The following SNTG1 variants were observed in gnomAD, a reference collection of about 807,000 sequenced individuals.
SNTG1 encodes the protein syntrophin gamma 1, also known as gamma-1-syntrophin.
SNTG1 carries 39 observed loss-of-function variants against 74.7 expected under a neutral mutation model. The observed-to-expected ratio is 0.52, with a 90% CI of 0.40 to 0.68. SNTG1 has a LOEUF of 0.68. Among genes scored for constraint, SNTG1 ranks in the 30% least tolerant of loss-of-function variants. The pLI, the probability that SNTG1 is intolerant of heterozygous loss-of-function variation, is 0.00. For synonymous variants in SNTG1, 254 were observed against 217.1 expected (o/e 1.17, Z -1.49); for missense variants, 685 against 609.5 (o/e 1.12, Z -1.30).
At chr8:50,046,898 C>A (rs1314362856) in intron 1 of SNTG1, among the ~76,000 whole-genome samples, 1 of 152,080 alleles carries the variant, frequency 6.6e-6, no homozygotes, top group African/African-American at 2.4e-5. Context: ...TAAGTTTTTG[C>A]ATTATTTACA....
At chr8:50,291,923 T>A (rs531856390) in intron 2 of SNTG1, among the ~76,000 whole-genome samples, 24 of 152,110 alleles carry the variant, frequency 1.6e-4, no homozygotes, top group African/African-American at 4.3e-4. Context: ...TGTTTTGGAG[T>A]GTCCAATGGT....
At chr8:50,727,256 A>C (rs2095502396) in intron 17 of SNTG1, among the ~76,000 whole-genome samples, 1 of 152,138 alleles carries the variant, frequency 6.6e-6, no homozygotes, top group Non-Finnish European at 1.5e-5. Flanking sequence ...GATGGAGTAA[A>C]AGTGCTGACA....
At chr8:50,280,985 CAAAAAAAAAA>C (rs35973666) in intron 2 of SNTG1, among the ~76,000 whole-genome samples, 1 of 75,462 alleles carries the variant, frequency 1.3e-5, no homozygotes, top group East Asian at 4.4e-4. Flanking sequence ...AACCCAGTCT[CAAAAAAAAAA>C]AAAAAAAAAA....
intron 18 of SNTG1, among the ~76,000 whole-genome samples, chr8:50,764,449 G>A (rs1479877934): frequency 6.6e-6 from 1 of 151,668 alleles, no homozygotes; most frequent in Admixed American, 6.6e-5. Context: ...ATTAAAATTG[G>A]GCAAAGGACT....
At chr8:50,266,682 G>GTATATA (rs1341606847) in intron 2 of SNTG1, among the ~76,000 whole-genome samples, 1,495 of 137,356 alleles carry the variant, frequency 0.011, 40 homozygotes, top group African/African-American at 0.037. Flanking sequence ...GTGTGTGTGT[G>GTATATA]TGTATATATA....
chr8:50,217,053 A>G (rs1490320401), intron 2 of SNTG1, among the ~76,000 whole-genome samples: 2 of 151,674 alleles, frequency 1.3e-5, no homozygotes, highest in Non-Finnish European at 1.5e-5. Flanking sequence ...AATTAATGAA[A>G]CAAATGGGCT....
chr8:50,558,322 T>C (rs536991525), intron 12 of SNTG1, among the ~76,000 whole-genome samples: 8 of 152,304 alleles, frequency 5.3e-5, no homozygotes, highest in Admixed American at 5.2e-4. Context: ...CTTCCACAGC[T>C]GTTGGCTCGC....
intron 1 of SNTG1, among the ~76,000 whole-genome samples, chr8:50,132,634 GT>G (rs1586412100): frequency 3.3e-5 from 5 of 152,284 alleles, no homozygotes; most frequent in East Asian, 3.9e-4. Flanking sequence ...TGGGCCTTCT[GT>G]GGCAAAAGTC....
chr8:50,446,233 C>G (rs7832503), intron 5 of SNTG1, among the ~76,000 whole-genome samples: 13,726 of 152,234 alleles, frequency 0.09, 1,926 homozygotes, highest in African/African-American at 0.3. Flanking sequence ...CTGAGCTGCT[C>G]ACATTTTCTC....
chr8:50,454,829 T>TAAAAAAAAAAAAAA (rs1158732952), intron 8 of SNTG1, among the ~76,000 whole-genome samples: 4 of 95,142 alleles, frequency 4.2e-5, no homozygotes, highest in Middle Eastern at 6.9e-3. Context: ...CAGACAGAGC[T>TAAAAAAAAAAAAAA]AAAAAAAAAA....
chr8:50,204,987 G>A (rs2084151816), intron 2 of SNTG1, among the ~76,000 whole-genome samples: 1 of 152,136 alleles, frequency 6.6e-6, no homozygotes, highest in African/African-American at 2.4e-5. Context: ...CATTTGGGTT[G>A]GTTCCAAGTC....
In SNTG1 at chr8:50,018,841, C is replaced by A. The variant is rs533290912; in HGVS notation, c.-103+106610C>A. ...AGAAACAAAAAATAACAAGTGTTGGCCAAGATGTGGAGACATTGGATCCTT... is the reference window on the plus strand; with the variant it reads ...AGAAACAAAAAATAACAAGTGTTGGACAAGATGTGGAGACATTGGATCCTT... On this transcript the variant is annotated intron_variant, in intron 1 of 18. Coordinates refer to ENST00000642720, the MANE Select transcript of SNTG1 (RefSeq NM_018967.5). Among the ~76,000 whole-genome samples the A allele has an allele frequency of 3.8e-4, 57 of 151,924 alleles. 1 individual carries two copies. The highest frequency in any genetic ancestry group is 7.1e-4 in the Non-Finnish European group (48 of 67,908).
intron 1 of SNTG1, among the ~76,000 whole-genome samples, chr8:50,008,096 G>A (rs1815419748): frequency 6.6e-6 from 1 of 152,096 alleles, no homozygotes; most frequent in Non-Finnish European, 1.5e-5. Flanking sequence ...TGAGATTTGA[G>A]TGGGGACACA....
chr8:50,242,115 A>G (rs995410768), intron 2 of SNTG1, among the ~76,000 whole-genome samples: 2 of 151,990 alleles, frequency 1.3e-5, no homozygotes, highest in Non-Finnish European at 2.9e-5. Flanking sequence ...ATCTACATAT[A>G]TATGTATACA....
chr8:50,769,855 T>C (rs1037257976), intron 18 of SNTG1, among the ~76,000 whole-genome samples: 11 of 152,108 alleles, frequency 7.2e-5, no homozygotes, highest in Middle Eastern at 3.2e-3. Flanking sequence ...TTATTAAACA[T>C]TGTTCTATTA....
At chr8:50,384,675 C>T (rs1393255043) in intron 2 of SNTG1, among the ~76,000 whole-genome samples, 5 of 152,180 alleles carry the variant, frequency 3.3e-5, no homozygotes, top group Admixed American at 6.5e-5. Flanking sequence ...GCAGAACCAT[C>T]TCTAACCCAA....
At chr8:50,030,406 A>G (rs1409928768) in intron 1 of SNTG1, among the ~76,000 whole-genome samples, 3 of 152,054 alleles carry the variant, frequency 2.0e-5, no homozygotes, top group African/African-American at 7.2e-5. Flanking sequence ...ATTACTCTCT[A>G]AGAACTCTAT....
At chr8:49,933,298 C>T (rs539660609) in intron 1 of SNTG1, among the ~76,000 whole-genome samples, 11 of 152,160 alleles carry the variant, frequency 7.2e-5, no homozygotes, top group African/African-American at 2.2e-4. Flanking sequence ...TATAGCCATC[C>T]GAGTGGATGT....
chr8:50,160,934 G>A (rs553736966), intron 1 of SNTG1, among the ~76,000 whole-genome samples: 1 of 152,006 alleles, frequency 6.6e-6, no homozygotes, highest in Admixed American at 6.6e-5. Context: ...GTGGGGAAAG[G>A]GGAGTTCAGG....
Sources: gnomAD v4.1 joint callset for allele counts (sites outside exome capture counted in the v4.1 genomes callset) on GRCh38, gnomAD v4.1.1 for gene constraint, MANE v1.5 for transcripts, NCBI Gene and HGNC (gene_info 2026-07-23, HGNC 2026-07-21) for gene names.